MED27: variants seen among roughly 807,000 people sequenced by gnomAD.
MED27 encodes mediator complex subunit 27.
MED27 carries 30 observed loss-of-function variants against 38.2 expected under a neutral mutation model. The observed-to-expected ratio is 0.79, with a 90% CI of 0.59 to 1.07. MED27 has a LOEUF of 1.07. MED27 is among the 50% of genes least tolerant of loss of function. The probability of loss-of-function intolerance (pLI) is 0.00; values close to 1 mark genes in which losing one functional copy is unlikely to be tolerated. For synonymous variants in MED27, 122 were observed against 153.5 expected, an observed-to-expected ratio of 0.79 and a Z score of 1.52; for missense variants, 289 against 397.5, an observed-to-expected ratio of 0.73 and a Z score of 2.32.
intron 4 of MED27, among the ~76,000 whole-genome samples, chr9:131,929,120 G>C (rs983591260): frequency 6.6e-6 from 1 of 152,214 alleles, no homozygotes; most frequent in African/African-American, 2.4e-5. Context: ...CCTTGGGCCA[G>C]AAGGGAATCT....
At chr9:132,053,320 A>C (rs1833506449) in intron 2 of MED27, among the ~76,000 whole-genome samples, 1 of 152,152 alleles carries the variant, frequency 6.6e-6, no homozygotes, top group African/African-American at 2.4e-5. Context: ...GCTGCTGAGA[A>C]AACATGATAA....
chr9:132,048,575 C>G (rs1409296285), intron 2 of MED27, among the ~76,000 whole-genome samples: 3 of 152,166 alleles, frequency 2.0e-5, no homozygotes, highest in Non-Finnish European at 2.9e-5. Flanking sequence ...CTTAAAGGTC[C>G]CCAACCTCCC....
chr9:131,894,645 T>G (rs1829796169), intron 4 of MED27, among the ~76,000 whole-genome samples: 1 of 151,326 alleles, frequency 6.6e-6, no homozygotes, highest in Non-Finnish European at 1.5e-5. Context: ...CTAAAAAAAG[T>G]GCAGTTTCAT....
At chr9:132,067,444 C>T (rs1833833066) in intron 2 of MED27, among the ~76,000 whole-genome samples, 1 of 152,140 alleles carries the variant, frequency 6.6e-6, no homozygotes, top group Non-Finnish European at 1.5e-5. Context: ...AAGAGTTTTC[C>T]ACAGAAAGAA....
At chr9:132,030,867 AGAG>A (rs1832944598) in intron 2 of MED27, among the ~76,000 whole-genome samples, 1 of 152,370 alleles carries the variant, frequency 6.6e-6, no homozygotes, top group East Asian at 1.9e-4. Flanking sequence ...ACAAGGACAA[AGAG>A]AAGAGGAGAC....
At chr9:132,056,053 A>G (rs1003760229) in intron 2 of MED27, among the ~76,000 whole-genome samples, 3 of 152,216 alleles carry the variant, frequency 2.0e-5, no homozygotes, top group African/African-American at 7.2e-5. Context: ...CTGTGTGCTT[A>G]ATCATCATGT....
chr9:131,914,259 T>C (rs1002766769), intron 4 of MED27, among the ~76,000 whole-genome samples: 16 of 152,190 alleles, frequency 1.1e-4, no homozygotes, highest in African/African-American at 3.9e-4. Flanking sequence ...AGAGACTTGG[T>C]AGTGGTTCAG....
chr9:132,023,910 T>C (rs956659507), intron 2 of MED27, among the ~76,000 whole-genome samples: 1 of 152,190 alleles, frequency 6.6e-6, no homozygotes, highest in Admixed American at 6.5e-5. Flanking sequence ...TTTTTTTTTA[T>C]TGATCATTTT....
At position 131,896,415 on chromosome 9, in the gene MED27, CT is replaced by C. The variant is rs1470562151; in HGVS notation, c.574-2424del. 2.6e-5 allele frequency among the ~76,000 whole-genome samples: 4 copies of C among 152,018 alleles called. No homozygotes were observed. In the East Asian group the frequency reaches 7.7e-4, roughly 29 times the overall value. The stretch of plus-strand genomic sequence containing the variant: ...TGATATTAATTAAATAATAAATTGC[CT>C]TTGTAATTTAAGTTTCTTAAGATGG... On this transcript the variant is annotated intron_variant, in intron 4 of 7. Coordinates refer to ENST00000292035, the MANE Select transcript of MED27 (RefSeq NM_004269.4).
intron 2 of MED27, among the ~76,000 whole-genome samples, chr9:132,067,143 T>C (rs1368760989): frequency 6.6e-6 from 1 of 152,266 alleles, no homozygotes; most frequent in Non-Finnish European, 1.5e-5. Context: ...AATTACCATT[T>C]ATTAAATGCC....
At chr9:131,904,172 T>C (rs1487681370) in intron 4 of MED27, among the ~76,000 whole-genome samples, 1 of 152,154 alleles carries the variant, frequency 6.6e-6, no homozygotes, top group Non-Finnish European at 1.5e-5. Flanking sequence ...GTGCTGGGAT[T>C]ACAGGCGTGA....
chr9:132,031,536 G>A (rs1361615313), intron 2 of MED27, among the ~76,000 whole-genome samples: 1 of 152,100 alleles, frequency 6.6e-6, no homozygotes, highest in Non-Finnish European at 1.5e-5. Context: ...GCCAGGTATG[G>A]TGGGGCACAC....
At chr9:131,906,670 T>C (rs140586396) in intron 4 of MED27, among the ~76,000 whole-genome samples, 240 of 152,300 alleles carry the variant, frequency 1.6e-3, no homozygotes, top group African/African-American at 5.5e-3. Context: ...ATGATGGTGT[T>C]ACTGAAAAGG....
intron 2 of MED27, among the ~76,000 whole-genome samples, chr9:132,019,185 G>C (rs1832668201): frequency 6.6e-6 from 1 of 152,220 alleles, no homozygotes; most frequent in African/African-American, 2.4e-5. Context: ...CACCCAGGGA[G>C]TCTTATCTCT....
intron 2 of MED27, among the ~76,000 whole-genome samples, chr9:132,019,247 G>C (rs945874780): frequency 1.3e-5 from 2 of 152,234 alleles, no homozygotes; most frequent in Non-Finnish European, 2.9e-5. Context: ...GTCCAGGATA[G>C]TGCATTGAAT....
chr9:131,939,803 G>A (rs1321070317), intron 3 of MED27, among the ~76,000 whole-genome samples: 1 of 152,024 alleles, frequency 6.6e-6, no homozygotes, highest in South Asian at 2.1e-4. Context: ...GATGGCAGCA[G>A]TGTCCTGCTG....
At chr9:131,957,816 C>T (rs1016091439) in intron 3 of MED27, among the ~76,000 whole-genome samples, 15 of 151,052 alleles carry the variant, frequency 9.9e-5, no homozygotes, top group African/African-American at 3.7e-4. Flanking sequence ...TAATGGTTCA[C>T]GTCTGTAATC....
At chr9:132,057,153 A>G (rs775967853) in intron 2 of MED27, among the ~76,000 whole-genome samples, 1 of 152,186 alleles carries the variant, frequency 6.6e-6, no homozygotes, top group Non-Finnish European at 1.5e-5. Flanking sequence ...ACTCAAGTGA[A>G]TCTTTTCCTT....
chr9:131,950,084 G>A (rs908152385), intron 3 of MED27, among the ~76,000 whole-genome samples: 3 of 152,050 alleles, frequency 2.0e-5, no homozygotes, highest in African/African-American at 7.2e-5. Context: ...CTAAGTTTGG[G>A]AAAGAATTTT....
Sources: gnomAD v4.1 joint callset for allele counts (sites outside exome capture counted in the v4.1 genomes callset) on GRCh38, gnomAD v4.1.1 for gene constraint, MANE v1.5 for transcripts, NCBI Gene and HGNC (gene_info 2026-07-23, HGNC 2026-07-21) for gene names.